The following PACRG variants were observed in gnomAD, a reference collection of about 807,000 sequenced individuals.
PACRG encodes parkin coregulated gene protein.
PACRG carries 29 observed loss-of-function variants against 29.7 expected under a neutral mutation model. The ratio of observed to expected loss-of-function variants is 0.98; its 90% CI spans 0.73 to 1.33. The LOEUF is 1.33. Ranked by LOEUF, PACRG falls within the 40% of genes most tolerant of loss-of-function variation. The pLI, the probability that PACRG is intolerant of heterozygous loss-of-function variation, is 0.00. For missense variants in PACRG, 279 were observed against 316.2 expected, an observed-to-expected ratio of 0.88 and a Z score of 0.89; for synonymous variants, 116 against 118.7, an observed-to-expected ratio of 0.98 and a Z score of 0.15.
chr6:162,828,571 C>T (rs1788476893), intron 2 of PACRG, among the ~76,000 whole-genome samples: 1 of 151,958 alleles, frequency 6.6e-6, no homozygotes, highest in African/African-American at 2.4e-5. Flanking sequence ...ACTGAAACAA[C>T]CAAACAAATA....
chr6:163,076,051 A>G (rs1276546629), intron 3 of PACRG, among the ~76,000 whole-genome samples: 1 of 152,116 alleles, frequency 6.6e-6, no homozygotes, highest in East Asian at 1.9e-4. Flanking sequence ...GGCCCATCCA[A>G]CCTTAACAGG....
At chr6:163,104,958 T>A (rs1484597021) in intron 4 of PACRG, among the ~76,000 whole-genome samples, 1 of 151,830 alleles carries the variant, frequency 6.6e-6, no homozygotes, top group African/African-American at 2.4e-5. Flanking sequence ...ACTCTTATAC[T>A]ATTTATGAAG....
chr6:162,949,772 T>C (rs978556241), intron 2 of PACRG, among the ~76,000 whole-genome samples: 1 of 152,186 alleles, frequency 6.6e-6, no homozygotes, highest in Non-Finnish European at 1.5e-5. Context: ...GTTTGTTGTA[T>C]TTCCAATTTC....
intron 4 of PACRG, among the ~76,000 whole-genome samples, chr6:163,166,542 G>A (rs1430475969): frequency 6.6e-6 from 1 of 152,202 alleles, no homozygotes; most frequent in Non-Finnish European, 1.5e-5. Context: ...ATTTGAATTT[G>A]CTCTTAAGCG....
chr6:162,873,117 G>T (rs1010947289), intron 2 of PACRG, among the ~76,000 whole-genome samples: 1 of 152,116 alleles, frequency 6.6e-6, no homozygotes, highest in Non-Finnish European at 1.5e-5. Context: ...TTTTTCCCTG[G>T]AACTACAGGT....
chr6:163,045,772 G>A (rs1006208401), intron 2 of PACRG, among the ~76,000 whole-genome samples: 10 of 151,582 alleles, frequency 6.6e-5, no homozygotes, highest in African/African-American at 9.7e-5. Context: ...ACAGGCGTGC[G>A]CTACCACGCC....
chr6:162,979,388 A>T (rs1368695539), intron 2 of PACRG, among the ~76,000 whole-genome samples: 4 of 152,078 alleles, frequency 2.6e-5, no homozygotes, highest in African/African-American at 7.2e-5. Flanking sequence ...TTTTTCTTGC[A>T]CTGCGTTGAG....
chr6:162,797,984 A>G (rs1785521198), intron 1 of PACRG, among the ~76,000 whole-genome samples: 1 of 152,108 alleles, frequency 6.6e-6, no homozygotes, highest in African/African-American at 2.4e-5. Context: ...CTGGCAAGCT[A>G]TTTGGTCATA....
At chr6:163,206,659 C>A (rs1780915206) in intron 4 of PACRG, among the ~76,000 whole-genome samples, 1 of 150,210 alleles carries the variant, frequency 6.7e-6, no homozygotes, top group Non-Finnish European at 1.5e-5. Context: ...ACACATGTAC[C>A]CCTGAGCCCA....
chr6:163,085,461 C>T (rs1280095255), intron 3 of PACRG, among the ~76,000 whole-genome samples: 1 of 152,160 alleles, frequency 6.6e-6, no homozygotes, highest in African/African-American at 2.4e-5. Context: ...TCACTACAGC[C>T]TCACCCTCCT....
At chr6:162,924,141 G>A (rs547589293) in intron 2 of PACRG, among the ~76,000 whole-genome samples, 1 of 151,740 alleles carries the variant, frequency 6.6e-6, no homozygotes, top group African/African-American at 2.4e-5. Flanking sequence ...TGTTATTTTT[G>A]TATAACTATT....
intron 4 of PACRG, among the ~76,000 whole-genome samples, chr6:163,132,900 A>G (rs1254506359): frequency 6.6e-6 from 1 of 152,234 alleles, no homozygotes. Flanking sequence ...AAGAATTAGT[A>G]AAGAAGAAAA....
intron 2 of PACRG, among the ~76,000 whole-genome samples, chr6:163,011,058 G>A (rs1172671029): frequency 1.3e-5 from 2 of 151,256 alleles, no homozygotes; most frequent in African/African-American, 2.4e-5. Context: ...TTATCAATCA[G>A]GTGAATTAGC....
intron 4 of PACRG, chr6:163,312,881 TA>T: frequency 2.7e-6 from 1 of 364,964 alleles, no homozygotes. Context: ...GCCTCTCAAG[TA>T]GCTGAGATTA....
intron 1 of PACRG, among the ~76,000 whole-genome samples, chr6:162,762,119 T>G (rs981659839): frequency 6.6e-6 from 1 of 152,098 alleles, no homozygotes; most frequent in African/African-American, 2.4e-5. Context: ...AACTGGACTT[T>G]AGTAGGTTCT....
intron 1 of PACRG, among the ~76,000 whole-genome samples, chr6:162,783,369 A>G (rs965169516): frequency 5.3e-5 from 8 of 152,120 alleles, no homozygotes; most frequent in East Asian, 1.9e-4. Context: ...TTTTTAGACT[A>G]CACAAAAATG....
chr6:163,079,059 T>G (rs1169729454), intron 3 of PACRG, among the ~76,000 whole-genome samples: 1 of 152,140 alleles, frequency 6.6e-6, no homozygotes, highest in African/African-American at 2.4e-5. Context: ...TCAGGCCACC[T>G]GACTCTTTTA....
intron 1 of PACRG, among the ~76,000 whole-genome samples, chr6:162,786,973 A>G (rs941598891): frequency 6.6e-6 from 1 of 152,206 alleles, no homozygotes; most frequent in Admixed American, 6.5e-5. Context: ...TTTCCAAATA[A>G]CATTTTAAAT....
chr6:163,048,113 G>T (rs902577611), intron 2 of PACRG, among the ~76,000 whole-genome samples: 2 of 152,106 alleles, frequency 1.3e-5, no homozygotes, highest in African/African-American at 4.8e-5. Flanking sequence ...GTGCTGTGTA[G>T]ACAGCCATAT....
Sources: gnomAD v4.1 joint callset for allele counts (sites outside exome capture counted in the v4.1 genomes callset) on GRCh38, gnomAD v4.1.1 for gene constraint, MANE v1.5 for transcripts, NCBI Gene and HGNC (gene_info 2026-07-23, HGNC 2026-07-21) for gene names.